Variants in HMCN1 observed in about 807,000 individuals in gnomAD.
HMCN1 encodes hemicentin 1, also known as hemicentin-1.
Under a neutral mutation model 625.9 loss-of-function variants are expected in HMCN1, and 321 were observed. The ratio of observed to expected loss-of-function variants is 0.51; its 90% CI spans 0.47 to 0.56. HMCN1 has a LOEUF of 0.56. Ranked by LOEUF, HMCN1 falls within the 20% of genes least tolerant of loss-of-function variation. The pLI is 0.00. For missense variants in HMCN1, 6,588 were observed against 6,887.3 expected (o/e 0.96, Z 1.54); for synonymous variants, 2,425 against 2,417.6 (o/e 1.00, Z -0.09).
At chr1:185,788,612 A>G (rs944185840) in intron 1 of HMCN1, among the ~76,000 whole-genome samples, 1 of 152,162 alleles carries the variant, frequency 6.6e-6, no homozygotes, top group Admixed American at 6.5e-5. Context: ...AGACACTGGC[A>G]TTTTCATGAG....
At chr1:186,004,895 T>C (rs1411428200) in intron 29 of HMCN1, among the ~76,000 whole-genome samples, 1 of 152,094 alleles carries the variant, frequency 6.6e-6, no homozygotes, top group Non-Finnish European at 1.5e-5. Context: ...CTTTACGGCA[T>C]AATCATATTA....
chr1:185,745,046 T>G (rs1553233004), intron 1 of HMCN1, among the ~76,000 whole-genome samples: 1 of 150,694 alleles, frequency 6.6e-6, no homozygotes, highest in Non-Finnish European at 1.5e-5. Context: ...CCTAAGAATC[T>G]AAAAAAAAAG....
chr1:186,182,341 G>C (rs1571477358), intron 105 of HMCN1, 54 bp downstream of exon 105: 1 of 1,607,630 alleles, frequency 6.2e-7, no homozygotes, highest in East Asian at 2.2e-5. Flanking sequence ...AACCAACAGA[G>C]AGTGTGAGAA....
chr1:186,150,853 G>T (rs1571423230), intron 93 of HMCN1, among the ~76,000 whole-genome samples: 2 of 151,668 alleles, frequency 1.3e-5, no homozygotes, highest in East Asian at 3.9e-4. Flanking sequence ...TTACCATCAT[G>T]CATGACATGC....
In HMCN1 at chr1:185,963,791, C is replaced by A. The variant is rs1650202978; in HGVS notation, c.1994C>A (p.Thr665Asn). 1 of 1,607,448 alleles carries A rather than the reference C, an allele frequency of 6.2e-7. No homozygotes were observed. The highest frequency in any genetic ancestry group is 8.5e-7 in the Non-Finnish European group (1 of 1,174,498). Reference protein sequence around the residue: ...SHRYRMTSDGTLFIKNAAPKD... With the variant: ...SHRYRMTSDGNLFIKNAAPKD... ...AGGTATAGGATGACCTCAGATGGTA[C>A]CTTATTTATCAAAAATGCAGCTCCC... Residue 665 changes from threonine to asparagine, a missense_variant, in exon 13 of 107, where the codon ACC (threonine) becomes AAC (asparagine). By Grantham distance (65) the Thr-to-Asn change is moderately conservative. Around this residue, in one of 3 missense-constraint regions of HMCN1, gnomAD observed 4,628 missense variants for 4,853.1 expected, o/e 0.95. Coordinates refer to ENST00000271588, the MANE Select transcript of HMCN1 (RefSeq NM_031935.3).
At position 185,923,654 on chromosome 1, in the gene HMCN1, G is replaced by A; in HGVS notation, c.1285+1G>A. ...GTTTCCTTTTCTAGTATTGTCCCAG[G>A]TGAGACATCATTTTATTCAACATTG... On this transcript the variant is annotated splice_donor_variant, in intron 8 of 106. Coordinates refer to ENST00000271588, the MANE Select transcript of HMCN1 (RefSeq NM_031935.3). LOFTEE classifies it high-confidence loss of function. 6.3e-7 allele frequency: 1 copy of A among 1,598,012 alleles called. No individual in the cohort carries two copies. Among genetic ancestry groups the A allele is most frequent in the East Asian group, 2.2e-5 (1 of 44,710 alleles).
At chr1:185,804,899 T>G (rs952022072) in intron 1 of HMCN1, among the ~76,000 whole-genome samples, 1 of 152,242 alleles carries the variant, frequency 6.6e-6, no homozygotes, top group African/African-American at 2.4e-5. Context: ...AGTAATGTGC[T>G]TTGTATTGAG....
chr1:186,158,435 C>T (rs1438284366), intron 97 of HMCN1, among the ~76,000 whole-genome samples: 1 of 152,038 alleles, frequency 6.6e-6, no homozygotes, highest in African/African-American at 2.4e-5. Context: ...AGCTCTTTAG[C>T]TTAATTAGAT....
At chr1:186,129,864 A>G (rs1203477656) in intron 83 of HMCN1, 102 bp from the exon 84 acceptor site, 1 of 1,410,880 alleles carries the variant, frequency 7.1e-7, no homozygotes, top group Non-Finnish European at 1.0e-6. Flanking sequence ...CTTTGGTTCA[A>G]TTGCTGACCA....
At chr1:186,177,943 G>C (rs189542076) in intron 103 of HMCN1, among the ~76,000 whole-genome samples, 98 of 152,020 alleles carry the variant, frequency 6.4e-4, no homozygotes, top group African/African-American at 2.2e-3. Flanking sequence ...TCTCTGCCTA[G>C]TTGAACTAAG....
intron 105 of HMCN1, among the ~76,000 whole-genome samples, chr1:186,182,727 T>G (rs1470640000): frequency 6.6e-6 from 1 of 152,202 alleles, no homozygotes; most frequent in Non-Finnish European, 1.5e-5. Context: ...ATTAAATGAT[T>G]CATTCATTCG....
At chr1:185,919,098 T>C (rs893726387) in intron 6 of HMCN1, among the ~76,000 whole-genome samples, 4 of 151,266 alleles carry the variant, frequency 2.6e-5, no homozygotes, top group African/African-American at 9.7e-5. Context: ...TATAATTTTA[T>C]TACATTTATA....
chr1:185,902,431 C>T (rs541474863), intron 4 of HMCN1, among the ~76,000 whole-genome samples: 183 of 151,290 alleles, frequency 1.2e-3, no homozygotes, highest in Middle Eastern at 3.4e-3. Flanking sequence ...ATCTATCTAT[C>T]TATCTATCTA....
intron 11 of HMCN1, among the ~76,000 whole-genome samples, chr1:185,959,343 GTTT>G (rs893223730): frequency 1.5e-4 from 23 of 152,084 alleles, no homozygotes; most frequent in African/African-American, 5.6e-4. Context: ...TTCTTCCCTA[GTTT>G]TTGTAGGCAG....
chr1:186,060,581 T>A (rs1264731915), intron 46 of HMCN1, among the ~76,000 whole-genome samples: 1 of 152,112 alleles, frequency 6.6e-6, no homozygotes, highest in African/African-American at 2.4e-5. Flanking sequence ...TGAATATTTC[T>A]TCAAACAAAA....
intron 4 of HMCN1, among the ~76,000 whole-genome samples, chr1:185,878,553 T>C (rs1223520655): frequency 1.3e-5 from 2 of 152,186 alleles, no homozygotes; most frequent in Non-Finnish European, 2.9e-5. Context: ...TTTGTGGATG[T>C]TGAACCACCC....
rs1219598366 is a variant in HMCN1, at chr1:185,983,971, G to T, written c.2791-198G>T. Among the ~76,000 whole-genome samples, 3 of 152,104 alleles carry T rather than the reference G, an allele frequency of 2.0e-5. No individual in the cohort carries two copies. In the Middle Eastern group the frequency reaches 0.01, roughly 517 times the overall value. ...ATAAATATTAATAGGTATAATATTT[G>T]GAGGTATATCAGGATTAAATTGTAC... On this transcript the variant is annotated intron_variant, in intron 18 of 106. Coordinates refer to ENST00000271588, the MANE Select transcript of HMCN1 (RefSeq NM_031935.3).
At position 186,151,545 on chromosome 1, in the gene HMCN1, G is replaced by GAAGACAATAAAATAGACTAAAAATTTTGC. The variant is rs1226588217; in HGVS notation, c.14759-60_14759-32dup. 2.0e-6 allele frequency: 3 copies of GAAGACAATAAAATAGACTAAAAATTTTGC among 1,502,444 alleles called. No individual in the cohort carries two copies. The African/African-American group carries it at 4.2e-5, about 21-fold the overall frequency. The allele number at this position is 1,502,444 out of a possible 1,614,324, so 93.1% of individuals were successfully genotyped here. A position where few individuals can be genotyped will look rare whatever the true frequency, so the allele number is the denominator to read the frequency against. ...TTCATCCTTGTGAATAATATGCTAT[G>GAAGACAATAAAATAGACTAAAAATTTTGC]AAGACAATAAAATAGACTAAAAATT... On this transcript the variant is annotated intron_variant, in intron 94 of 106. Coordinates refer to ENST00000271588, the MANE Select transcript of HMCN1 (RefSeq NM_031935.3).
rs1650735121 is a variant in HMCN1 at position 185,970,453 on chromosome 1, G to T, written c.2331G>T (p.Glu777Asp). The change falls in exon 15 of 107, where the codon GAG (glutamate) becomes GAT (aspartate). Residue 777 changes from glutamate to aspartate, a missense_variant. Coordinates refer to ENST00000271588, the MANE Select transcript of HMCN1 (RefSeq NM_031935.3). ...AGDYTCVAIN[E>D]AGRATGKITL... ...ATTATACCTGTGTAGCCATCAATGA[G>T]GCTGGAAGAGCAACTGGCAAGATAA... The T allele has an allele frequency of 6.2e-7, 1 of 1,613,980 alleles. No individual in the cohort carries two copies. The highest frequency in any genetic ancestry group is 1.1e-5 in the South Asian group (1 of 91,086).
Sources: gnomAD v4.1 joint callset for allele counts (sites outside exome capture counted in the v4.1 genomes callset) on GRCh38, gnomAD v4.1.1 for gene constraint, gnomAD v4.1.1 regional missense constraint, MANE v1.5 for transcripts, NCBI Gene and HGNC (gene_info 2026-07-23, HGNC 2026-07-21) for gene names.